KCNH7: variants seen among roughly 807,000 people sequenced by gnomAD.
KCNH7 encodes the protein voltage-gated inwardly rectifying potassium channel KCNH7.
KCNH7 carries 49 observed loss-of-function variants against 120.8 expected under a neutral mutation model. That is an observed-to-expected ratio of 0.41 (90% CI 0.32 to 0.51). The LOEUF is 0.51. KCNH7 is among the 20% of genes least tolerant of loss of function. The pLI is 0.38. For synonymous variants in KCNH7, 547 were observed against 516.1 expected (o/e 1.06, Z -0.81); for missense variants, 1,097 against 1,446.6 (o/e 0.76, Z 3.92).
chr2:162,672,396 C>G (rs1034459377), intron 2 of KCNH7, among the ~76,000 whole-genome samples: 1 of 151,944 alleles, frequency 6.6e-6, no homozygotes, highest in Admixed American at 6.6e-5. Context: ...TAGAAACACA[C>G]TTGTAAATGT....
chr2:162,469,658 A>C (rs1689428805), intron 6 of KCNH7, among the ~76,000 whole-genome samples: 1 of 151,980 alleles, frequency 6.6e-6, no homozygotes, highest in Admixed American at 6.5e-5. Context: ...AAGCTTATTA[A>C]AAGGTAGATT....
intron 6 of KCNH7, among the ~76,000 whole-genome samples, chr2:162,474,862 C>G (rs1454213842): frequency 2.0e-5 from 3 of 152,116 alleles, no homozygotes; most frequent in African/African-American, 4.8e-5. Flanking sequence ...AGTGTGCACT[C>G]TCACACTCTC....
At chr2:162,807,272 A>AAAC (rs1553531727) in intron 2 of KCNH7, among the ~76,000 whole-genome samples, 2,697 of 119,088 alleles carry the variant, frequency 0.023, 200 homozygotes, top group South Asian at 0.052. Flanking sequence ...AAAAAAAAAA[A>AAAC]AAAAAAAAAA....
At chr2:162,709,478 G>C (rs766194517) in intron 2 of KCNH7, among the ~76,000 whole-genome samples, 1 of 152,054 alleles carries the variant, frequency 6.6e-6, no homozygotes, top group Non-Finnish European at 1.5e-5. Flanking sequence ...ATCTATAACA[G>C]TGGTTTCATA....
chr2:162,766,690 C>T (rs749946348), intron 2 of KCNH7, among the ~76,000 whole-genome samples: 8 of 151,680 alleles, frequency 5.3e-5, no homozygotes, highest in South Asian at 2.1e-4. Context: ...GACCATTTTA[C>T]GTCCAGGGAT....
chr2:162,515,955 T>C (rs139506499), intron 4 of KCNH7, among the ~76,000 whole-genome samples: 1 of 151,894 alleles, frequency 6.6e-6, no homozygotes, highest in East Asian at 2.0e-4. Flanking sequence ...AAAGATCCTC[T>C]ATATGATTTA....
At chr2:162,645,833 T>C (rs2105247471) in intron 2 of KCNH7, among the ~76,000 whole-genome samples, 1 of 152,054 alleles carries the variant, frequency 6.6e-6, no homozygotes, top group South Asian at 2.1e-4. Context: ...ACCCAGAGAG[T>C]GTATGTTTTC....
Position 162,838,641 on chromosome 2 carries a change from A to G in KCNH7, c.-123T>C. On this transcript the variant is annotated 5_prime_UTR_variant, in exon 1 of 16. Coordinates refer to ENST00000332142, the MANE Select transcript of KCNH7 (RefSeq NM_033272.4). The stretch of plus-strand genomic sequence containing the variant: ...TTGTGGCAGAGCATCCTCTTTTGAA[A>G]CCAGAATTCTCTTCCCATTAGCACC... The G allele has an allele frequency of 1.4e-6, 1 of 699,012 alleles. No individual in the cohort carries two copies. The highest frequency in any genetic ancestry group is 2.4e-6 in the Non-Finnish European group (1 of 415,580). The allele number at this position is 699,012 out of a possible 1,614,324, so 43.3% of individuals were successfully genotyped here.
At chr2:162,580,867 TA>T (rs1410323567) in intron 2 of KCNH7, among the ~76,000 whole-genome samples, 1 of 152,036 alleles carries the variant, frequency 6.6e-6, no homozygotes, top group Non-Finnish European at 1.5e-5. Flanking sequence ...GAAACCTTCA[TA>T]ATTCCTAGAT....
intron 2 of KCNH7, among the ~76,000 whole-genome samples, chr2:162,792,637 T>C (rs1271969712): frequency 1.3e-5 from 2 of 151,862 alleles, no homozygotes; most frequent in Non-Finnish European, 2.9e-5. Flanking sequence ...GTCCCCTTTG[T>C]TGTTTCTGAT....
intron 2 of KCNH7, among the ~76,000 whole-genome samples, chr2:162,800,447 T>A (rs538330140): frequency 7.3e-5 from 11 of 151,648 alleles, no homozygotes; most frequent in Non-Finnish European, 1.6e-4. Context: ...CTATGGTAAT[T>A]TTTCTGTTTT....
At chr2:162,701,823 A>AT (rs1374576642) in intron 2 of KCNH7, among the ~76,000 whole-genome samples, 1 of 152,144 alleles carries the variant, frequency 6.6e-6, no homozygotes, top group African/African-American at 2.4e-5. Flanking sequence ...CCTGGTCAGC[A>AT]TGGTGAAACC....
At chr2:162,782,266 T>A (rs1032410) in intron 2 of KCNH7, among the ~76,000 whole-genome samples, 107,527 of 151,458 alleles carry the variant, frequency 0.71, 38,746 homozygotes, top group South Asian at 0.86. Flanking sequence ...AATATATTGT[T>A]CATAGATAAT....
intron 2 of KCNH7, among the ~76,000 whole-genome samples, chr2:162,696,049 G>A (rs774465903): frequency 6.6e-6 from 1 of 152,126 alleles, no homozygotes; most frequent in Non-Finnish European, 1.5e-5. Flanking sequence ...GAATCTACCA[G>A]GCAAGGAGCT....
At chr2:162,644,298 C>T (rs1371990210) in intron 2 of KCNH7, among the ~76,000 whole-genome samples, 3 of 151,766 alleles carry the variant, frequency 2.0e-5, no homozygotes, top group Admixed American at 1.3e-4. Context: ...CTTTTTAGTA[C>T]ATTAAAGTTT....
chr2:162,626,151 G>A, intron 2 of KCNH7, among the ~76,000 whole-genome samples: 1 of 152,066 alleles, frequency 6.6e-6, no homozygotes, highest in Non-Finnish European at 1.5e-5. Flanking sequence ...ATGGTATGCA[G>A]TTTCAGTTGC....
chr2:162,593,668 A>G (rs1694285829), intron 2 of KCNH7, among the ~76,000 whole-genome samples: 1 of 152,122 alleles, frequency 6.6e-6, no homozygotes. Context: ...TCAAATCTTC[A>G]GTCTTGATAA....
At chr2:162,398,159 C>G (rs1292302227) in intron 10 of KCNH7, among the ~76,000 whole-genome samples, 1 of 151,832 alleles carries the variant, frequency 6.6e-6, no homozygotes, top group Non-Finnish European at 1.5e-5. Flanking sequence ...AAATAGTACT[C>G]TCCTGTGTCT....
At chr2:162,431,532 T>C (rs1468762589) in intron 8 of KCNH7, among the ~76,000 whole-genome samples, 1 of 151,938 alleles carries the variant, frequency 6.6e-6, no homozygotes, top group African/African-American at 2.4e-5. Flanking sequence ...CTCTTTTCCT[T>C]ATTTATGACA....
Sources: gnomAD v4.1 joint callset for allele counts (sites outside exome capture counted in the v4.1 genomes callset) on GRCh38, gnomAD v4.1.1 for gene constraint, MANE v1.5 for transcripts, NCBI Gene and HGNC (gene_info 2026-07-23, HGNC 2026-07-21) for gene names.